The following OPCML variants were observed in gnomAD, a reference collection of about 807,000 sequenced individuals.
The protein encoded by OPCML is opioid-binding protein/cell adhesion molecule.
OPCML carries 13 observed loss-of-function variants against 37.8 expected under a neutral mutation model. That is an observed-to-expected ratio of 0.34 (90% CI 0.22 to 0.55). The LOEUF (loss-of-function observed/expected upper bound fraction) is 0.55, where lower values mean the gene tolerates loss of function less well. OPCML is among the 20% of genes least tolerant of loss of function. The probability of loss-of-function intolerance (pLI) is 0.91; values close to 1 mark genes in which losing one functional copy is unlikely to be tolerated. For synonymous variants in OPCML, 176 were observed against 168.8 expected (o/e 1.04, Z -0.33); for missense variants, 341 against 435.6 (o/e 0.78, Z 1.93).
At chr11:132,861,531 T>C (rs1284011895) in intron 2 of OPCML, among the ~76,000 whole-genome samples, 1 of 152,214 alleles carries the variant, frequency 6.6e-6, no homozygotes, top group Non-Finnish European at 1.5e-5. Context: ...GTGTATGAGA[T>C]CCACTATTTA....
chr11:132,554,883 T>TTTTTTTTTTTTTTTTTTC (rs1255603307), intron 3 of OPCML, among the ~76,000 whole-genome samples: 6 of 125,658 alleles, frequency 4.8e-5, no homozygotes, highest in South Asian at 3.1e-4. Flanking sequence ...TTTTTTTTTT[T>TTTTTTTTTTTTTTTTTTC]TTTTTTTTCA....
chr11:132,722,716 G>A (rs1239670818), intron 2 of OPCML, among the ~76,000 whole-genome samples: 12 of 152,084 alleles, frequency 7.9e-5, no homozygotes, highest in Admixed American at 3.3e-4. Context: ...AGGGAGACCC[G>A]TGGGTCAACT....
At chr11:133,172,206 G>A (rs1950297025) in intron 1 of OPCML, among the ~76,000 whole-genome samples, 1 of 152,164 alleles carries the variant, frequency 6.6e-6, no homozygotes, top group African/African-American at 2.4e-5. Context: ...ATCTATGAAA[G>A]GCTCTGGGGA....
intron 2 of OPCML, among the ~76,000 whole-genome samples, chr11:132,683,115 TA>T (rs1205230712): frequency 5.3e-5 from 8 of 152,112 alleles, no homozygotes; most frequent in Non-Finnish European, 7.4e-5. Context: ...AAAATACTTG[TA>T]AAAAATATAA....
rs551093348 is a variant in OPCML, at chr11:132,420,355, C to T, written c.917-62G>A. On this transcript the variant is annotated intron_variant, in intron 7 of 7. Coordinates refer to ENST00000524381, the MANE Select transcript of OPCML (RefSeq NM_001012393.5). ...CACCCAAGGACACCATAGTTCTTCC[C>T]TGACAAGCAAATACACATACATGCT... The T allele has an allele frequency of 1.0e-4, 165 of 1,591,644 alleles. 2 individuals are homozygous for T. In the South Asian group the frequency reaches 1.9e-3, roughly 18 times the overall value.
At chr11:133,373,493 TAC>T (rs1307499690) in intron 1 of OPCML, among the ~76,000 whole-genome samples, 1 of 145,130 alleles carries the variant, frequency 6.9e-6, no homozygotes, top group Non-Finnish European at 1.5e-5. Flanking sequence ...GGCGTTGTGG[TAC>T]ACTCCTGTAG....
intron 1 of OPCML, among the ~76,000 whole-genome samples, chr11:133,443,342 G>T (rs559647324): frequency 1.3e-5 from 2 of 152,228 alleles, no homozygotes; most frequent in Non-Finnish European, 2.9e-5. Context: ...ATTTCACTGA[G>T]ATCTGCTGGC....
At chr11:133,494,422 G>C (rs568924483) in intron 1 of OPCML, among the ~76,000 whole-genome samples, 1 of 151,728 alleles carries the variant, frequency 6.6e-6, no homozygotes, top group Non-Finnish European at 1.5e-5. Context: ...ACAAGCACAC[G>C]TATGTTTATT....
intron 1 of OPCML, chr11:133,008,578 G>A (rs1414017796): frequency 5.9e-6 from 2 of 339,792 alleles, no homozygotes; most frequent in Non-Finnish European, 8.3e-6. Flanking sequence ...GACAAAAGCT[G>A]CCTCATTCGA....
rs142379392 is a variant in OPCML, at chr11:133,305,343, C to A, written c.61+226921G>T. On this transcript the variant is annotated intron_variant, in intron 1 of 7. Coordinates refer to ENST00000524381, the MANE Select transcript of OPCML (RefSeq NM_001012393.5). Reference sequence around the variant, plus strand: ...GGATGTCAACACTGGAAAAGGATGACTGACTCACAAGTATTTTCATTGCAT... The same window carrying A: ...GGATGTCAACACTGGAAAAGGATGAATGACTCACAAGTATTTTCATTGCAT... 1.5e-3 allele frequency among the ~76,000 whole-genome samples: 227 copies of A among 152,258 alleles called. 5 individuals are homozygous for A. Among genetic ancestry groups the A allele is most frequent in the Middle Eastern group, 0.01 (3 of 294 alleles).
In OPCML at chr11:133,243,355, G is replaced by T. The variant is rs575194589; in HGVS notation, c.61+288909C>A. On this transcript the variant is annotated intron_variant, in intron 1 of 7. Coordinates refer to ENST00000524381, the MANE Select transcript of OPCML (RefSeq NM_001012393.5). ...TCCAGGTGAGTTAACAGTGAGTGGA[G>T]TGAGCTGATTTGCCATTTTCACCTG... Among the ~76,000 whole-genome samples the T allele has an allele frequency of 6.6e-5, 10 of 152,300 alleles. No individual in the cohort carries two copies. In the South Asian group the frequency reaches 2.1e-3, roughly 32 times the overall value.
chr11:133,486,788 G>A (rs1431653959), intron 1 of OPCML, among the ~76,000 whole-genome samples: 1 of 151,722 alleles, frequency 6.6e-6, no homozygotes, highest in Non-Finnish European at 1.5e-5. Context: ...ATTCTTTGCA[G>A]TCTTGTTCCC....
At chr11:132,833,791 G>C (rs1441291399) in intron 2 of OPCML, among the ~76,000 whole-genome samples, 1 of 152,162 alleles carries the variant, frequency 6.6e-6, no homozygotes, top group Non-Finnish European at 1.5e-5. Flanking sequence ...TTGTATATAT[G>C]CACCCCATCA....
rs551891923 is a variant in OPCML, at chr11:132,791,191, A to G, written c.147-133872T>C. ...GGAGCTCAGCTAGACGAACTCGTCC[A>G]CGATCACACACTGTTGCAGCTGGGG... On this transcript the variant is annotated intron_variant, in intron 2 of 7. Coordinates refer to ENST00000524381, the MANE Select transcript of OPCML (RefSeq NM_001012393.5). Among the ~76,000 whole-genome samples, 57 of 152,298 alleles carry G rather than the reference A, an allele frequency of 3.7e-4. No individual in the cohort carries two copies. In the South Asian group the frequency reaches 0.011, roughly 28 times the overall value.
chr11:132,784,689 G>C (rs145120059), intron 2 of OPCML, among the ~76,000 whole-genome samples: 7 of 152,252 alleles, frequency 4.6e-5, no homozygotes, highest in African/African-American at 1.7e-4. Context: ...TGAATGAATT[G>C]TTGCTGTCCT....
chr11:132,777,187 A>C (rs1946836676), intron 2 of OPCML, among the ~76,000 whole-genome samples: 1 of 152,130 alleles, frequency 6.6e-6, no homozygotes, highest in Admixed American at 6.5e-5. Flanking sequence ...AGCAACCATG[A>C]TTATTTGTGT....
At chr11:132,907,557 A>G (rs114378414) in intron 2 of OPCML, among the ~76,000 whole-genome samples, 16,379 of 151,348 alleles carry the variant, frequency 0.11, 1,206 homozygotes, top group African/African-American at 0.19. Context: ...CTTGAACCTG[A>G]GAGATGGAGG....
chr11:132,830,896 T>C (rs909445583), intron 2 of OPCML, among the ~76,000 whole-genome samples: 1 of 152,146 alleles, frequency 6.6e-6, no homozygotes, highest in African/African-American at 2.4e-5. Flanking sequence ...TTCAGCAATA[T>C]TGAGGAAAGG....
Position 133,176,866 on chromosome 11 carries a change from C to G in OPCML, c.62-233856G>C, listed in dbSNP as rs574027802. 2.0e-5 allele frequency among the ~76,000 whole-genome samples: 3 copies of G among 152,346 alleles called. No individual in the cohort carries two copies. In the South Asian group the frequency reaches 6.2e-4, roughly 32 times the overall value. On this transcript the variant is annotated intron_variant, in intron 1 of 7. Coordinates refer to ENST00000524381, the MANE Select transcript of OPCML (RefSeq NM_001012393.5). ...TCTCTGCTGTGGTCTAAAAATAAAT[C>G]GCCTGCAAGAACTCTGCAGCTGTCC...
Sources: gnomAD v4.1 joint callset for allele counts (sites outside exome capture counted in the v4.1 genomes callset) on GRCh38, gnomAD v4.1.1 for gene constraint, MANE v1.5 for transcripts, NCBI Gene and HGNC (gene_info 2026-07-23, HGNC 2026-07-21) for gene names.